The following EFCAB13 variants were observed in gnomAD, a reference collection of about 807,000 sequenced individuals.
EFCAB13 encodes EF-hand calcium binding domain 13, also known as EF-hand calcium-binding domain-containing protein 13.
In EFCAB13, 91 loss-of-function variants were observed where a neutral mutation model predicts 110.2. That is an observed-to-expected ratio of 0.83 (90% CI 0.70 to 0.98). The LOEUF (loss-of-function observed/expected upper bound fraction) is 0.98. Ranked by LOEUF, EFCAB13 falls within the 50% of genes least tolerant of loss-of-function variation. The pLI is 0.00. For missense variants in EFCAB13, 968 were observed against 1,119.4 expected, an observed-to-expected ratio of 0.86 and a Z score of 1.93; for synonymous variants, 323 against 369.9, an observed-to-expected ratio of 0.87 and a Z score of 1.45.
At chr17:47,359,700 G>A (rs575217832) in intron 9 of EFCAB13, among the ~76,000 whole-genome samples, 1 of 148,950 alleles carries the variant, frequency 6.7e-6, no homozygotes, top group Admixed American at 6.7e-5. Flanking sequence ...ATGTATACAT[G>A]TGCCATGCTG....
Position 47,369,163 on chromosome 17 carries a change from C to G in EFCAB13, c.806-1274C>G, listed in dbSNP as rs112788441. Among the ~76,000 whole-genome samples, 1,266 of 152,174 alleles carry G rather than the reference C, an allele frequency of 8.3e-3. 11 individuals carry two copies. Among genetic ancestry groups the G allele is most frequent in the African/African-American group, 0.029 (1,212 of 41,500 alleles). Reference sequence around the variant, plus strand: ...GGAATAGCTTTTGTTTTTGATAGACCGACTGTGAACCTACAGGACCTCCTG... The same window carrying G: ...GGAATAGCTTTTGTTTTTGATAGACGGACTGTGAACCTACAGGACCTCCTG... On this transcript the variant is annotated intron_variant, in intron 10 of 24. Coordinates refer to ENST00000331493, the MANE Select transcript of EFCAB13 (RefSeq NM_152347.5).
intron 9 of EFCAB13, among the ~76,000 whole-genome samples, chr17:47,353,041 CCT>C (rs2065462007): frequency 6.6e-6 from 1 of 152,044 alleles, no homozygotes; most frequent in Non-Finnish European, 1.5e-5. Context: ...AATTTGACTT[CCT>C]CTTTTCCAAC....
At chr17:47,395,284 A>G (rs1370024217) in intron 16 of EFCAB13, among the ~76,000 whole-genome samples, 2 of 152,184 alleles carry the variant, frequency 1.3e-5, no homozygotes, top group African/African-American at 4.8e-5. Context: ...CTTGGTCACT[A>G]ATATCTGCTG....
At chr17:47,379,314 A>T in intron 14 of EFCAB13, 61 bp downstream of exon 14, 1 of 1,319,512 alleles carries the variant, frequency 7.6e-7, no homozygotes, top group Non-Finnish European at 1.1e-6. Context: ...GAGAAGAATT[A>T]GGTTCAACAG....
chr17:47,368,912 T>C (rs2065564868), intron 10 of EFCAB13, among the ~76,000 whole-genome samples: 1 of 152,186 alleles, frequency 6.6e-6, no homozygotes, highest in African/African-American at 2.4e-5. Flanking sequence ...AGGGGTCACT[T>C]TATAGATGAA....
At chr17:47,395,104 A>T (rs1188594877) in intron 16 of EFCAB13, among the ~76,000 whole-genome samples, 1 of 151,908 alleles carries the variant, frequency 6.6e-6, no homozygotes, top group East Asian at 1.9e-4. Context: ...AAATTATCTT[A>T]TCTATATATA....
chr17:47,420,604 A>G (rs374585362), intron 23 of EFCAB13, among the ~76,000 whole-genome samples: 105 of 145,132 alleles, frequency 7.2e-4, no homozygotes, highest in Non-Finnish European at 1.1e-3. Flanking sequence ...CCGCCGCCCC[A>G]TCTGGGATGT....
At chr17:47,372,673 A>G (rs2065591641) in intron 11 of EFCAB13, among the ~76,000 whole-genome samples, 1 of 152,142 alleles carries the variant, frequency 6.6e-6, no homozygotes, top group Admixed American at 6.5e-5. Flanking sequence ...GAAAGTCTTT[A>G]TCTTCATTTC....
chr17:47,401,055 G>C (rs781463334), intron 17 of EFCAB13, among the ~76,000 whole-genome samples: 1 of 152,184 alleles, frequency 6.6e-6, no homozygotes, highest in African/African-American at 2.4e-5. Flanking sequence ...CAGGGACAGA[G>C]CCTTTACAGT....
At chr17:47,372,940 G>A (rs1350379948) in intron 11 of EFCAB13, among the ~76,000 whole-genome samples, 2 of 152,002 alleles carry the variant, frequency 1.3e-5, no homozygotes, top group African/African-American at 4.8e-5. Context: ...TGGCCTTCCT[G>A]TACCTGGATA....
chr17:47,432,643 A>G (rs1289410400), intron 24 of EFCAB13, among the ~76,000 whole-genome samples: 19 of 152,136 alleles, frequency 1.2e-4, no homozygotes, highest in Non-Finnish European at 4.4e-5. Context: ...TAAAGTATTC[A>G]TATTTGTTTT....
At chr17:47,439,178 T>G (rs200496014) in intron 24 of EFCAB13, among the ~76,000 whole-genome samples, 12 of 121,648 alleles carry the variant, frequency 9.9e-5, no homozygotes, top group East Asian at 7.8e-4. Context: ...TTTGTTTTTT[T>G]TTTTTTTTTT....
At chr17:47,357,868 G>A (rs1042960462) in intron 9 of EFCAB13, among the ~76,000 whole-genome samples, 2 of 152,016 alleles carry the variant, frequency 1.3e-5, no homozygotes. Context: ...CTTTCACTCG[G>A]ACAGACAGAG....
intron 14 of EFCAB13, among the ~76,000 whole-genome samples, chr17:47,390,996 GTGGTA>G (rs1468588711): frequency 1.3e-5 from 2 of 152,092 alleles, no homozygotes; most frequent in Non-Finnish European, 1.5e-5. Context: ...TTGAAGCACA[GTGGTA>G]CTATCATAGC....
At chr17:47,324,161 G>A (rs2065266301) in intron 1 of EFCAB13, 87 bp downstream of exon 1, 1 of 153,302 alleles carries the variant, frequency 6.5e-6, no homozygotes, top group African/African-American at 2.4e-5. Flanking sequence ...GTGGAGGGTG[G>A]AGAATGCAGT....
intron 12 of EFCAB13, 86 bp from the exon 13 acceptor site, chr17:47,377,680 T>C: frequency 1.7e-6 from 2 of 1,191,448 alleles, no homozygotes; most frequent in East Asian, 5.1e-5. Flanking sequence ...TAAAACTTGT[T>C]CTCTAATTTC....
intron 14 of EFCAB13, among the ~76,000 whole-genome samples, chr17:47,387,735 A>C (rs530282502): frequency 6.6e-6 from 1 of 152,162 alleles, no homozygotes; most frequent in Non-Finnish European, 1.5e-5. Flanking sequence ...ACATATGTCT[A>C]TATCTTGTCA....
chr17:47,357,813 G>A (rs1053392095), intron 9 of EFCAB13, among the ~76,000 whole-genome samples: 4 of 152,186 alleles, frequency 2.6e-5, no homozygotes, highest in African/African-American at 7.2e-5. Flanking sequence ...TTGAGTTCCA[G>A]ACAGTAGGGA....
In EFCAB13 at chr17:47,429,670, C is replaced by T. The variant is rs187778024; in HGVS notation, c.2495-148C>T. 8.5e-5 allele frequency: 87 copies of T among 1,017,910 alleles called. No homozygotes were observed. The African/African-American group carries it at 1.3e-3, about 15-fold the overall frequency. The allele number at this position is 1,017,910 out of a possible 1,614,324, so 63.1% of individuals were successfully genotyped here. On this transcript the variant is annotated intron_variant, in intron 23 of 24. Coordinates refer to ENST00000331493, the MANE Select transcript of EFCAB13 (RefSeq NM_152347.5). ...TGACTGTTAGCTATTGTAATACACT[C>T]TGGTTTTTAAAACTATACAAATAGT... is the stretch of plus-strand genomic sequence containing the variant.
Sources: allele counts gnomAD v4.1 joint callset (sites outside exome capture counted in the v4.1 genomes callset), GRCh38; gene constraint gnomAD v4.1.1; transcripts MANE v1.5; gene names NCBI Gene and HGNC (gene_info 2026-07-23, HGNC 2026-07-21).